The following RBFOX1 variants were observed in gnomAD, a reference collection of about 807,000 sequenced individuals.
RBFOX1 encodes RNA binding fox-1 homolog 1.
Under a neutral mutation model 57.7 loss-of-function variants are expected in RBFOX1, and 8 were observed. The ratio of observed to expected loss-of-function variants is 0.14; its 90% CI spans 0.08 to 0.25. RBFOX1 has a LOEUF of 0.25. Among genes scored for constraint, RBFOX1 ranks in the 10% least tolerant of loss-of-function variants. The pLI is 1.00. For synonymous variants in RBFOX1, 326 were observed against 222.4 expected (o/e 1.47, Z -4.15); for missense variants, 611 against 548.5 (o/e 1.11, Z -1.14).
chr16:5,245,198 G>A (rs1425264991), intron 1 of RBFOX1, among the ~76,000 whole-genome samples: 2 of 152,176 alleles, frequency 1.3e-5, no homozygotes, highest in African/African-American at 2.4e-5. Flanking sequence ...TCCGGTGCCT[G>A]GTTTGGGGAA....
intron 1 of RBFOX1, among the ~76,000 whole-genome samples, chr16:6,161,738 GGAGAAAAT>G (rs2096880942): frequency 6.6e-6 from 1 of 152,198 alleles, no homozygotes; most frequent in Non-Finnish European, 1.5e-5. Flanking sequence ...GCTTACATTT[GGAGAAAAT>G]GAGCTTCTGG....
At chr16:6,853,001 C>G (rs1388572286) in intron 3 of RBFOX1, among the ~76,000 whole-genome samples, 2 of 152,172 alleles carry the variant, frequency 1.3e-5, no homozygotes, top group African/African-American at 4.8e-5. Flanking sequence ...GATGGACAAT[C>G]TCACTGGCAG....
chr16:5,803,294 T>C (rs1002595913), intron 3 of RBFOX1, among the ~76,000 whole-genome samples: 4 of 151,980 alleles, frequency 2.6e-5, no homozygotes, highest in African/African-American at 9.7e-5. Context: ...GCTCTAAGAG[T>C]TCCTTTGTAC....
intron 2 of RBFOX1, among the ~76,000 whole-genome samples, chr16:6,588,916 C>G (rs780686964): frequency 1.3e-5 from 2 of 152,104 alleles, no homozygotes; most frequent in Non-Finnish European, 2.9e-5. Flanking sequence ...CACTGGGTAA[C>G]TGACAAATTT....
intron 2 of RBFOX1, among the ~76,000 whole-genome samples, chr16:6,345,082 C>T (rs2085166491): frequency 6.6e-6 from 1 of 152,156 alleles, no homozygotes; most frequent in African/African-American, 2.4e-5. Context: ...AAGAGCAAGA[C>T]ACTAGATTCT....
chr16:6,155,956 T>A (rs966535699), intron 1 of RBFOX1, among the ~76,000 whole-genome samples: 1 of 152,168 alleles, frequency 6.6e-6, no homozygotes. Flanking sequence ...GCTTAACCTG[T>A]AGGGTATCAT....
At chr16:6,658,461 C>T (rs1023272873) in intron 3 of RBFOX1, among the ~76,000 whole-genome samples, 1 of 152,130 alleles carries the variant, frequency 6.6e-6, no homozygotes. Context: ...CCTGCTTCAG[C>T]CTCCCAAAGT....
intron 3 of RBFOX1, among the ~76,000 whole-genome samples, chr16:5,848,803 G>A (rs1284942119): frequency 6.6e-6 from 1 of 152,046 alleles, no homozygotes; most frequent in East Asian, 1.9e-4. Context: ...ACAAAAATTA[G>A]CTGGGCATGG....
At chr16:5,409,978 G>T (rs1309988263) in intron 1 of RBFOX1, among the ~76,000 whole-genome samples, 2 of 151,664 alleles carry the variant, frequency 1.3e-5, no homozygotes, top group African/African-American at 2.4e-5. Context: ...ATCCCGGGAG[G>T]CAGAGGTTGC....
chr16:7,033,904 A>G (rs552027988), intron 3 of RBFOX1, among the ~76,000 whole-genome samples: 2 of 152,134 alleles, frequency 1.3e-5, no homozygotes, highest in African/African-American at 2.4e-5. Flanking sequence ...GGGAAGTTCA[A>G]GCTGCAGTGA....
intron 1 of RBFOX1, among the ~76,000 whole-genome samples, chr16:6,200,278 C>G (rs1273261632): frequency 2.6e-5 from 4 of 152,192 alleles, no homozygotes; most frequent in Admixed American, 2.0e-4. Context: ...TGGACGGTCT[C>G]TCTGCATCCC....
intron 4 of RBFOX1, among the ~76,000 whole-genome samples, chr16:7,405,979 G>C (rs892124781): frequency 1.3e-5 from 2 of 152,130 alleles, no homozygotes; most frequent in African/African-American, 4.8e-5. Context: ...AGTAGGTAGA[G>C]CCTGAGATGC....
intron 1 of RBFOX1, among the ~76,000 whole-genome samples, chr16:6,240,330 G>C (rs74005022): frequency 5.6e-4 from 86 of 152,276 alleles, no homozygotes; most frequent in African/African-American, 2.0e-3. Flanking sequence ...TTGTCTCCAA[G>C]GTTATTGAGG....
chr16:7,139,385 C>G (rs1167001687), intron 4 of RBFOX1, among the ~76,000 whole-genome samples: 2 of 152,166 alleles, frequency 1.3e-5, no homozygotes, highest in African/African-American at 2.4e-5. Context: ...GGCTTCATCC[C>G]TCCACTAACT....
At chr16:7,104,326 TCTC>T (rs1179641293) in intron 4 of RBFOX1, among the ~76,000 whole-genome samples, 1 of 152,144 alleles carries the variant, frequency 6.6e-6, no homozygotes. Flanking sequence ...TGATGTAACT[TCTC>T]CTAAGGGGGA....
At chr16:6,166,358 G>A (rs545538563) in intron 1 of RBFOX1, among the ~76,000 whole-genome samples, 1 of 151,808 alleles carries the variant, frequency 6.6e-6, no homozygotes, top group South Asian at 2.1e-4. Context: ...GCTAACCAAA[G>A]GTTCCATGGG....
intron 1 of RBFOX1, among the ~76,000 whole-genome samples, chr16:6,106,774 C>G (rs1353326404): frequency 1.3e-5 from 2 of 152,096 alleles, no homozygotes; most frequent in South Asian, 2.1e-4. Flanking sequence ...TTCATGCCAT[C>G]CTTCTGCCTC....
chr16:6,977,954 C>T (rs1331286592), intron 3 of RBFOX1, among the ~76,000 whole-genome samples: 2 of 43,514 alleles, frequency 4.6e-5, no homozygotes, highest in Non-Finnish European at 4.9e-5. Flanking sequence ...AAAAAAAAGG[C>T]AAACCTCCTT....
intron 1 of RBFOX1, among the ~76,000 whole-genome samples, chr16:6,180,912 A>G (rs917727743): frequency 2.0e-5 from 3 of 152,124 alleles, no homozygotes; most frequent in Non-Finnish European, 1.5e-5. Context: ...TATTATCTAT[A>G]TAGCTTAAAG....
Sources: gnomAD v4.1 joint callset for allele counts (sites outside exome capture counted in the v4.1 genomes callset) on GRCh38, gnomAD v4.1.1 for gene constraint, MANE v1.5 for transcripts, NCBI Gene and HGNC (gene_info 2026-07-23, HGNC 2026-07-21) for gene names.